The following TMEM132B variants were observed in gnomAD, a reference collection of about 807,000 sequenced individuals.
The protein encoded by TMEM132B is transmembrane protein 132B.
TMEM132B carries 18 observed loss-of-function variants against 90.8 expected under a neutral mutation model. The ratio of observed to expected loss-of-function variants is 0.20; its 90% confidence interval spans 0.14 to 0.29. TMEM132B has a LOEUF of 0.29. Ranked by LOEUF, TMEM132B falls within the 10% of genes least tolerant of loss-of-function variation. The pLI is 1.00. For synonymous variants in TMEM132B, 504 were observed against 523.3 expected, an observed-to-expected ratio of 0.96 and a Z score of 0.50; for missense variants, 1,096 against 1,326.8, an observed-to-expected ratio of 0.83 and a Z score of 2.70.
intron 3 of TMEM132B, among the ~76,000 whole-genome samples, chr12:125,420,828 C>G (rs1880147323): frequency 6.6e-6 from 1 of 152,162 alleles, no homozygotes; most frequent in Non-Finnish European, 1.5e-5. Flanking sequence ...AAACTGAATG[C>G]TTTTAACAGC....
chr12:125,601,579 C>A (rs1593015251), intron 5 of TMEM132B, among the ~76,000 whole-genome samples: 1 of 151,822 alleles, frequency 6.6e-6, no homozygotes, highest in Non-Finnish European at 1.5e-5. Flanking sequence ...GCAAACAAAT[C>A]CAAAAGCTAG....
At chr12:125,488,306 GT>G (rs1258903174) in intron 3 of TMEM132B, among the ~76,000 whole-genome samples, 1 of 152,120 alleles carries the variant, frequency 6.6e-6, no homozygotes, top group Non-Finnish European at 1.5e-5. Context: ...CTATAAATCA[GT>G]TTTTGATACA....
intron 1 of TMEM132B, among the ~76,000 whole-genome samples, chr12:125,257,446 T>C (rs1253140499): frequency 6.6e-6 from 1 of 152,214 alleles, no homozygotes; most frequent in Non-Finnish European, 1.5e-5. Flanking sequence ...ATTCTGCGTT[T>C]CTGGTTCTGG....
chr12:125,223,791 AT>A (rs777288704), intron 1 of TMEM132B, among the ~76,000 whole-genome samples: 11,199 of 148,418 alleles, frequency 0.075, 537 homozygotes, highest in African/African-American at 0.13. Context: ...TTTGTATAAT[AT>A]TTTTTTTTTT....
Position 125,292,443 on chromosome 12 carries a change from G to C in TMEM132B, c.68-57009G>C, listed in dbSNP as rs1294688549. 2.6e-5 allele frequency among the ~76,000 whole-genome samples: 4 copies of C among 152,204 alleles called. 1 individual carries two copies. Among genetic ancestry groups the C allele is most frequent in the African/African-American group, 9.7e-5 (4 of 41,444 alleles). The stretch of plus-strand genomic sequence containing the variant: ...AAACATTTTGTACTGCATTGGTTGA[G>C]TTTGGTCATGAAAGTAAGGACTAGA... On this transcript the variant is annotated intron_variant, in intron 1 of 8. Coordinates refer to ENST00000682704, the MANE Select transcript of TMEM132B (RefSeq NM_001366854.1).
At chr12:125,318,231 G>T (rs867527287) in intron 1 of TMEM132B, among the ~76,000 whole-genome samples, 17 of 151,524 alleles carry the variant, frequency 1.1e-4, no homozygotes, top group Admixed American at 2.0e-4. Context: ...GAGGAAAGGG[G>T]TTACCTCTGG....
At chr12:125,411,134 GGAGTGGAGT>G (rs1206742096) in intron 2 of TMEM132B, among the ~76,000 whole-genome samples, 1 of 58,700 alleles carries the variant, frequency 1.7e-5, no homozygotes, top group Non-Finnish European at 3.6e-5. Flanking sequence ...TGGAGTGAGT[GGAGTGGAGT>G]GAGTGGAGTG....
chr12:125,654,020 CCCCCAGTCT>C lies in TMEM132B; in HGVS notation c.2566_2574del (p.Gln856_Pro858del). ...AGGAAAGTACCAACAAAAGCACAAC[CCCCCAGTCT>C]CCCATGGAAGGGAAGAATAAGTTAC... On this transcript the variant is annotated inframe_deletion, in exon 9 of 9. Transcript: ENST00000682704. The surrounding 1 kb of genome is among the most constrained non-coding windows in gnomAD (Gnocchi z 5.8). The C allele has an allele frequency of 6.2e-7, 1 of 1,614,136 alleles. No individual in the cohort carries two copies. Among genetic ancestry groups the C allele is most frequent in the Non-Finnish European group, 8.5e-7 (1 of 1,180,026 alleles).
At chr12:125,580,208 A>G (rs1885023808) in intron 4 of TMEM132B, among the ~76,000 whole-genome samples, 1 of 152,206 alleles carries the variant, frequency 6.6e-6, no homozygotes, top group African/African-American at 2.4e-5. Flanking sequence ...TTATGATCTT[A>G]TAGATTCCCA....
At chr12:125,414,734 C>T (rs370413030) in intron 2 of TMEM132B, among the ~76,000 whole-genome samples, 4 of 152,192 alleles carry the variant, frequency 2.6e-5, no homozygotes, top group East Asian at 3.9e-4. Flanking sequence ...TCCTGGTGAC[C>T]CTCCAGATGC....
intron 5 of TMEM132B, among the ~76,000 whole-genome samples, chr12:125,589,751 T>C (rs1463260645): frequency 1.3e-5 from 2 of 152,036 alleles, no homozygotes; most frequent in African/African-American, 2.4e-5. Context: ...TCACTCACCA[T>C]CTATCGTGAG....
At chr12:125,266,939 A>T (rs1874710122) in intron 1 of TMEM132B, among the ~76,000 whole-genome samples, 2 of 152,174 alleles carry the variant, frequency 1.3e-5, no homozygotes, top group Non-Finnish European at 2.9e-5. Flanking sequence ...AAGTCATTGT[A>T]TTGGACCCAG....
intron 4 of TMEM132B, among the ~76,000 whole-genome samples, chr12:125,530,804 C>A (rs1487656558): frequency 1.3e-5 from 2 of 152,226 alleles, no homozygotes; most frequent in African/African-American, 2.4e-5. Context: ...TGAGGGCTCA[C>A]CCTAATCCAG....
At chr12:125,484,266 C>T (rs11058199) in intron 3 of TMEM132B, among the ~76,000 whole-genome samples, 5 of 150,730 alleles carry the variant, frequency 3.3e-5, no homozygotes, top group East Asian at 1.9e-4. Context: ...AGTGTACACA[C>T]GATATGTATG....
chr12:125,335,569 G>C (rs576423323), intron 1 of TMEM132B, among the ~76,000 whole-genome samples: 13 of 152,222 alleles, frequency 8.5e-5, no homozygotes, highest in Non-Finnish European at 1.5e-4. Flanking sequence ...AGTTCTCATT[G>C]GATTTTAGAA....
In TMEM132B at chr12:125,583,785, C is replaced by T. The variant is rs555127222; in HGVS notation, c.1294-66C>T. ...AAGGCAGTAGGGAGCTTGGTGGACA[C>T]CCCTCTCCTGCTCGCCCCTGTGGTA... On this transcript the variant is annotated intron_variant, in intron 4 of 8. Transcript: ENST00000682704. 26 of 1,578,894 alleles carry T rather than the reference C, an allele frequency of 1.6e-5. 2 individuals are homozygous for T. The South Asian group carries it at 1.7e-4, about 10-fold the overall frequency.
intron 4 of TMEM132B, among the ~76,000 whole-genome samples, chr12:125,527,819 A>G (rs1592976075): frequency 6.6e-6 from 1 of 152,236 alleles, no homozygotes; most frequent in African/African-American, 2.4e-5. Flanking sequence ...CAAACGGTGA[A>G]TAGCAAACAT....
chr12:125,509,676 T>C (rs1162244293), intron 3 of TMEM132B, among the ~76,000 whole-genome samples: 2 of 152,220 alleles, frequency 1.3e-5, no homozygotes, highest in Non-Finnish European at 2.9e-5. Context: ...ACTATTCTTT[T>C]ATACTTTTTG....
At chr12:125,589,254 G>C (rs571362703) in intron 5 of TMEM132B, among the ~76,000 whole-genome samples, 11 of 151,898 alleles carry the variant, frequency 7.2e-5, no homozygotes, top group Admixed American at 1.3e-4. Flanking sequence ...AGGCCAAGGC[G>C]GGCAGATCAC....
Sources: allele counts gnomAD v4.1 joint callset (sites outside exome capture counted in the v4.1 genomes callset), GRCh38; gene constraint gnomAD v4.1.1; non-coding constraint Gnocchi (gnomAD v3.1); transcripts MANE v1.5; gene names NCBI Gene and HGNC (gene_info 2026-07-23, HGNC 2026-07-21).